The following BMPR1A variants were observed in gnomAD, a reference collection of about 807,000 sequenced individuals.
The protein encoded by BMPR1A is bone morphogenetic protein receptor type-1A.
A neutral mutation model predicts 66.0 loss-of-function variants in BMPR1A; 7 were observed. The observed-to-expected ratio is 0.11, with a 90% CI of 0.06 to 0.20. BMPR1A has a LOEUF of 0.20. Ranked by LOEUF, BMPR1A falls within the 10% of genes least tolerant of loss-of-function variation. The pLI is 1.00. For missense variants in BMPR1A, 408 were observed against 669.1 expected (o/e 0.61, Z 4.31); for synonymous variants, 200 against 229.7 (o/e 0.87, Z 1.17).
intron 1 of BMPR1A, among the ~76,000 whole-genome samples, chr10:86,821,817 G>A (rs1175097801): frequency 6.7e-6 from 1 of 148,854 alleles, no homozygotes; most frequent in Non-Finnish European, 1.5e-5. Flanking sequence ...CCCTCCTTTT[G>A]TTTCTTGAGA....
chr10:86,904,982 C>CT lies in BMPR1A; in HGVS notation c.530+4859dup, dbSNP rs201293302. 7.6e-3 allele frequency among the ~76,000 whole-genome samples: 1,161 copies of CT among 152,102 alleles called. 7 individuals are homozygous for CT. Among genetic ancestry groups the CT allele is most frequent in the Admixed American group, 0.013 (194 of 15,294 alleles). ...GAATATTCATTCATATTTAGTTGAA[C>CT]TTTAACAAGTCACAAGTTGTTCTCC... is the stretch of plus-strand genomic sequence containing the variant. On this transcript the variant is annotated intron_variant, in intron 7 of 12. Transcript: ENST00000372037.
At chr10:86,769,611 G>A (rs1841219386) in intron 1 of BMPR1A, among the ~76,000 whole-genome samples, 1 of 152,146 alleles carries the variant, frequency 6.6e-6, no homozygotes, top group Non-Finnish European at 1.5e-5. Flanking sequence ...CAAGTTGGGG[G>A]GAGAAGGAAT....
chr10:86,775,054 G>A (rs1017564290), intron 1 of BMPR1A, among the ~76,000 whole-genome samples: 2 of 152,210 alleles, frequency 1.3e-5, no homozygotes, highest in Non-Finnish European at 2.9e-5. Context: ...AATGGACTAA[G>A]AGAAGCTGAA....
downstream of BMPR1A, chr10:86,928,167 C>T (rs142578915): frequency 1.8e-3 from 273 of 154,394 alleles, 1 homozygote; most frequent in African/African-American, 6.1e-3. Flanking sequence ...AAACCTATCA[C>T]GGTGCAGGGG....
chr10:86,922,051 C>A (rs926077693), intron 11 of BMPR1A, among the ~76,000 whole-genome samples: 1 of 152,168 alleles, frequency 6.6e-6, no homozygotes, highest in Non-Finnish European at 1.5e-5. Flanking sequence ...CATCCCCCCC[C>A]ATCTGCTGCT....
chr10:86,773,461 C>T (rs548420076), intron 1 of BMPR1A, among the ~76,000 whole-genome samples: 436 of 151,880 alleles, frequency 2.9e-3, no homozygotes, highest in Admixed American at 5.2e-3. Context: ...GGCATGGTGG[C>T]GGGCACCTGT....
At chr10:86,760,833 G>C (rs913557744) in intron 1 of BMPR1A, among the ~76,000 whole-genome samples, 55 of 152,104 alleles carry the variant, frequency 3.6e-4, no homozygotes, top group African/African-American at 1.3e-3. Context: ...AACATCACAA[G>C]GTCCATATTG....
At chr10:86,766,234 C>T (rs1324258719) in intron 1 of BMPR1A, among the ~76,000 whole-genome samples, 2 of 152,100 alleles carry the variant, frequency 1.3e-5, no homozygotes, top group Non-Finnish European at 1.5e-5. Flanking sequence ...TAAAGTGATC[C>T]TCCCACCTAG....
At chr10:86,918,403 A>C (rs779781509) in intron 9 of BMPR1A, among the ~76,000 whole-genome samples, 18 of 152,152 alleles carry the variant, frequency 1.2e-4, no homozygotes, top group Non-Finnish European at 2.4e-4. Flanking sequence ...CCTGGCAGTC[A>C]ACGAGCCAGA....
chr10:86,805,134 A>C (rs1841871219), intron 1 of BMPR1A, among the ~76,000 whole-genome samples: 1 of 152,028 alleles, frequency 6.6e-6, no homozygotes, highest in African/African-American at 2.4e-5. Context: ...TGATAATCTC[A>C]TTTTAACTTG....
At chr10:86,845,499 G>C (rs1842471357) in intron 2 of BMPR1A, among the ~76,000 whole-genome samples, 1 of 152,126 alleles carries the variant, frequency 6.6e-6, no homozygotes, top group Non-Finnish European at 1.5e-5. Flanking sequence ...GAACAAAACA[G>C]AGCAGTGCCT....
rs759623379 is a variant in BMPR1A, at chr10:86,908,452, G to A, written c.531-3788G>A. Among the ~76,000 whole-genome samples, 5 of 152,170 alleles carry A rather than the reference G, an allele frequency of 3.3e-5. 1 individual carries two copies. The highest frequency in any genetic ancestry group is 4.8e-5 in the African/African-American group (2 of 41,448). ...GGAGGTGTTCAGTCTAGTACGAGTC[G>A]ATTTGGGTTAGGGTTTTGTTCAGTG... On this transcript the variant is annotated intron_variant, in intron 7 of 12. Coordinates refer to ENST00000372037, the MANE Select transcript of BMPR1A (RefSeq NM_004329.3).
At chr10:86,794,685 C>A (rs1841678899) in intron 1 of BMPR1A, among the ~76,000 whole-genome samples, 1 of 151,820 alleles carries the variant, frequency 6.6e-6, no homozygotes, top group Admixed American at 6.6e-5. Flanking sequence ...GGTTTCTATT[C>A]CTTTCCAGAT....
At chr10:86,892,505 C>T (rs149654365) in intron 5 of BMPR1A, among the ~76,000 whole-genome samples, 1,594 of 152,218 alleles carry the variant, frequency 0.01, 26 homozygotes, top group African/African-American at 0.036. Context: ...TGCAGTGCTG[C>T]GATCTCCGCT....
chr10:86,803,999 T>C (rs1033061684), intron 1 of BMPR1A, among the ~76,000 whole-genome samples: 1 of 152,196 alleles, frequency 6.6e-6, no homozygotes, highest in African/African-American at 2.4e-5. Context: ...TGGGTGCTAT[T>C]GTGAATGATA....
At chr10:86,879,144 A>G (rs1002967982) in intron 3 of BMPR1A, among the ~76,000 whole-genome samples, 1 of 152,158 alleles carries the variant, frequency 6.6e-6, no homozygotes, top group South Asian at 2.1e-4. Flanking sequence ...TGTCTTTTCA[A>G]CTGTGACATC....
chr10:86,831,795 G>A (rs1041055615), intron 1 of BMPR1A, among the ~76,000 whole-genome samples: 2 of 152,078 alleles, frequency 1.3e-5, no homozygotes, highest in African/African-American at 4.8e-5. Context: ...AATCATCCTT[G>A]TACAAGTGTC....
chr10:86,868,734 T>C (rs1363511496), intron 2 of BMPR1A, among the ~76,000 whole-genome samples: 1 of 151,960 alleles, frequency 6.6e-6, no homozygotes, highest in African/African-American at 2.4e-5. Flanking sequence ...GGAATGACTT[T>C]ACTCTGTAGT....
At chr10:86,861,246 ACTCTT>A (rs1842710459) in intron 2 of BMPR1A, among the ~76,000 whole-genome samples, 1 of 152,084 alleles carries the variant, frequency 6.6e-6, no homozygotes, top group South Asian at 2.1e-4. Context: ...AAGGCGGGGA[ACTCTT>A]CTAGGTTCCC....
Sources: allele counts gnomAD v4.1 joint callset (sites outside exome capture counted in the v4.1 genomes callset), GRCh38; gene constraint gnomAD v4.1.1; transcripts MANE v1.5; gene names NCBI Gene and HGNC (gene_info 2026-07-23, HGNC 2026-07-21).